Variants in ZBTB7C observed in about 807,000 individuals in gnomAD.
The protein encoded by ZBTB7C is zinc finger and BTB domain containing 7C.
A neutral mutation model predicts 25.7 loss-of-function variants in ZBTB7C; 8 were observed. That is an observed-to-expected ratio of 0.31 (90% confidence interval 0.18 to 0.56). The LOEUF (loss-of-function observed/expected upper bound fraction) is 0.56, where lower values mean the gene tolerates loss of function less well. Ranked by LOEUF, ZBTB7C falls within the 20% of genes least tolerant of loss-of-function variation. The pLI, the probability that ZBTB7C is intolerant of heterozygous loss-of-function variation, is 0.91. For synonymous variants in ZBTB7C, 394 were observed against 369.0 expected (o/e 1.07, Z -0.78); for missense variants, 824 against 855.2 (o/e 0.96, Z 0.46).
At chr18:48,211,242 A>C (rs566256115) in intron 2 of ZBTB7C, among the ~76,000 whole-genome samples, 94 of 152,332 alleles carry the variant, frequency 6.2e-4, no homozygotes, top group African/African-American at 2.2e-3. Context: ...AACTCCTAGA[A>C]GATAACAGAG....
intron 3 of ZBTB7C, among the ~76,000 whole-genome samples, chr18:48,043,275 A>C (rs2036333127): frequency 6.6e-6 from 1 of 152,218 alleles, no homozygotes; most frequent in Non-Finnish European, 1.5e-5. Flanking sequence ...GTCCATGAAA[A>C]ACTCATACAC....
At chr18:48,195,048 GA>G (rs1264900269) in intron 2 of ZBTB7C, among the ~76,000 whole-genome samples, 3 of 152,200 alleles carry the variant, frequency 2.0e-5, no homozygotes, top group Admixed American at 6.5e-5. Context: ...AAGTAGGAGT[GA>G]GTTTCTAGGA....
At chr18:48,082,162 A>G (rs1363328102) in intron 3 of ZBTB7C, among the ~76,000 whole-genome samples, 1 of 152,148 alleles carries the variant, frequency 6.6e-6, no homozygotes, top group Non-Finnish European at 1.5e-5. Flanking sequence ...AGTCCCCATA[A>G]AGCATTTGTT....
At chr18:48,304,435 G>A (rs2045619714) in intron 2 of ZBTB7C, among the ~76,000 whole-genome samples, 1 of 152,196 alleles carries the variant, frequency 6.6e-6, no homozygotes, top group African/African-American at 2.4e-5. Flanking sequence ...TAGCACTTTG[G>A]GAGGCCGAGG....
intron 2 of ZBTB7C, among the ~76,000 whole-genome samples, chr18:48,200,626 C>T (rs1227698966): frequency 6.6e-6 from 1 of 152,158 alleles, no homozygotes; most frequent in African/African-American, 2.4e-5. Context: ...CAGACAGATG[C>T]CCGTCAACAG....
intron 3 of ZBTB7C, among the ~76,000 whole-genome samples, chr18:48,074,006 A>C (rs1336695827): frequency 6.6e-6 from 1 of 151,124 alleles, no homozygotes; most frequent in African/African-American, 2.4e-5. Flanking sequence ...TCTCGAAAAG[A>C]AAAATTTCTT....
chr18:48,057,897 C>T (rs1380425120), intron 3 of ZBTB7C, among the ~76,000 whole-genome samples: 1 of 152,180 alleles, frequency 6.6e-6, no homozygotes, highest in Non-Finnish European at 1.5e-5. Context: ...AACTGCAGGA[C>T]ATTAGAGGTG....
At chr18:48,185,403 A>G (rs2042031052) in intron 3 of ZBTB7C, 2 of 376,730 alleles carry the variant, frequency 5.3e-6, no homozygotes, top group Non-Finnish European at 1.0e-5. Flanking sequence ...AAACAGAGCC[A>G]ATGCCTGCTG....
At chr18:48,161,279 A>T (rs2144950756) in intron 3 of ZBTB7C, among the ~76,000 whole-genome samples, 1 of 150,102 alleles carries the variant, frequency 6.7e-6, no homozygotes, top group Non-Finnish European at 1.5e-5. Flanking sequence ...GTTCTCCAGG[A>T]GGGCTGGGAG....
intron 2 of ZBTB7C, among the ~76,000 whole-genome samples, chr18:48,191,612 T>C (rs988890394): frequency 3.9e-5 from 6 of 152,126 alleles, no homozygotes; most frequent in Admixed American, 3.9e-4. Flanking sequence ...ACATAAATGA[T>C]AGCTGACCAC....
chr18:48,389,227 TC>T (rs2047828397), intron 1 of ZBTB7C, among the ~76,000 whole-genome samples: 1 of 99,486 alleles, frequency 1.0e-5, no homozygotes, highest in Non-Finnish European at 2.1e-5. Context: ...TCTCTCTCTC[TC>T]TCTCTCTCGT....
At chr18:48,392,853 T>G (rs2145268851) in intron 1 of ZBTB7C, among the ~76,000 whole-genome samples, 1 of 152,294 alleles carries the variant, frequency 6.6e-6, no homozygotes, top group South Asian at 2.1e-4. Context: ...AGGGTCATTC[T>G]GGCAGGACAG....
intron 1 of ZBTB7C, among the ~76,000 whole-genome samples, chr18:48,367,080 A>G (rs1455782545): frequency 1.3e-5 from 2 of 149,856 alleles, no homozygotes; most frequent in African/African-American, 4.9e-5. Context: ...CATCTTCAGC[A>G]ATTTTAAAAA....
intron 3 of ZBTB7C, among the ~76,000 whole-genome samples, chr18:48,168,066 A>C (rs1170298271): frequency 6.6e-6 from 1 of 152,200 alleles, no homozygotes; most frequent in African/African-American, 2.4e-5. Context: ...ACACACTCTG[A>C]GGGTGCCACA....
Position 48,330,066 on chromosome 18 carries a change from G to A in ZBTB7C, c.-79+8108C>T, listed in dbSNP as rs531679628. 2.2e-4 allele frequency among the ~76,000 whole-genome samples: 33 copies of A among 152,306 alleles called. 1 individual carries two copies. In the South Asian group the frequency reaches 4.2e-3, roughly 19 times the overall value. On this transcript the variant is annotated intron_variant, in intron 2 of 4. Transcript: ENST00000590800. ...GGTTGCTGTGCAAGTCCACAGTGGG[G>A]GTCAACTCTGTGCCAGGCACTGAGT...
chr18:48,278,782 G>C (rs2044744161), intron 2 of ZBTB7C, among the ~76,000 whole-genome samples: 2 of 152,160 alleles, frequency 1.3e-5, no homozygotes, highest in South Asian at 4.1e-4. Context: ...CTTTAAGCCA[G>C]TATATTTAGG....
intron 3 of ZBTB7C, among the ~76,000 whole-genome samples, chr18:48,073,822 G>A (rs762914637): frequency 6.6e-6 from 1 of 152,006 alleles, no homozygotes; most frequent in Admixed American, 6.5e-5. Context: ...CTTGCTCCCC[G>A]AGTTTCTGCA....
chr18:48,139,335 G>T (rs994746080), intron 3 of ZBTB7C, among the ~76,000 whole-genome samples: 3 of 152,186 alleles, frequency 2.0e-5, no homozygotes, highest in African/African-American at 7.2e-5. Flanking sequence ...GCAGAGCCTT[G>T]TTTGGAGAGG....
At position 48,388,275 on chromosome 18, in the gene ZBTB7C, C is replaced by T. The variant is rs565882084; in HGVS notation, c.-304+20951G>A. Reference sequence around the variant, plus strand: ...GAACATCTTCAAGACCAGTTTGCCACTTAATCCCAATGCCAAATATAAATA... The same window carrying T: ...GAACATCTTCAAGACCAGTTTGCCATTTAATCCCAATGCCAAATATAAATA... On this transcript the variant is annotated intron_variant, in intron 1 of 4. Transcript: ENST00000590800. Among the ~76,000 whole-genome samples the T allele has an allele frequency of 9.8e-5, 15 of 152,290 alleles. No homozygotes were observed. The Middle Eastern group carries it at 0.01, about 104-fold the overall frequency.
Sources: gnomAD v4.1 joint callset for allele counts (sites outside exome capture counted in the v4.1 genomes callset) on GRCh38, gnomAD v4.1.1 for gene constraint, MANE v1.5 for transcripts, NCBI Gene and HGNC (gene_info 2026-07-23, HGNC 2026-07-21) for gene names.